IL6ST: variants seen among roughly 807,000 people sequenced by gnomAD.
IL6ST encodes interleukin-6 receptor subunit beta.
In IL6ST, 24 loss-of-function variants were observed where a neutral mutation model predicts 91.3. The ratio of observed to expected loss-of-function variants is 0.26; its 90% CI spans 0.19 to 0.37. The LOEUF is 0.37. Among genes scored for constraint, IL6ST ranks in the 10% least tolerant of loss-of-function variants. The probability of loss-of-function intolerance (pLI) is 1.00; values close to 1 mark genes in which losing one functional copy is unlikely to be tolerated. For synonymous variants in IL6ST, 351 were observed against 373.6 expected (o/e 0.94, Z 0.70); for missense variants, 914 against 1,078.5 (o/e 0.85, Z 2.14).
Position 55,942,689 on chromosome 5 carries a change from G to A in IL6ST, c.2000C>T (p.Ser667Leu). The A allele has an allele frequency of 6.2e-7, 1 of 1,602,868 alleles. No individual in the cohort carries two copies. Among genetic ancestry groups the A allele is most frequent in the East Asian group, 2.2e-5 (1 of 44,708 alleles). Residue 667 changes from serine to leucine, a missense_variant, in exon 16 of 17, where the codon TCA (serine) becomes TTA (leucine). Physicochemically the swap from Ser to Leu is moderately radical, Grantham distance 145. Coordinates refer to ENST00000381298, the MANE Select transcript of IL6ST (RefSeq NM_002184.4). The part of the protein sequence containing the change: ...DPSKSHIAQW[S>L]PHTPPRHNFN... Reference sequence around the variant, plus strand: ...TCTTACCCTTGGAGGAGTGTGAGGTGACCACTGGGCAATATGACTCTTTGA... The same window carrying A: ...TCTTACCCTTGGAGGAGTGTGAGGTAACCACTGGGCAATATGACTCTTTGA...
At chr5:55,985,383 G>A (rs1413005009) in intron 1 of IL6ST, among the ~76,000 whole-genome samples, 2 of 151,828 alleles carry the variant, frequency 1.3e-5, no homozygotes, top group Non-Finnish European at 2.9e-5. Flanking sequence ...CGGGTGTGGT[G>A]GTGCACATCT....
At chr5:55,971,897 A>G (rs891948609) in intron 3 of IL6ST, among the ~76,000 whole-genome samples, 9 of 152,172 alleles carry the variant, frequency 5.9e-5, no homozygotes, top group Non-Finnish European at 4.4e-5. Context: ...TTTGTTTCAA[A>G]CTTATAATGT....
intron 2 of IL6ST, among the ~76,000 whole-genome samples, chr5:55,980,669 C>T (rs77341723): frequency 0.038 from 5,812 of 152,236 alleles, 507 homozygotes; most frequent in East Asian, 0.37. Context: ...CTCATGTAAC[C>T]TGTACATGAA....
At chr5:55,971,822 T>A (rs554780661) in intron 3 of IL6ST, among the ~76,000 whole-genome samples, 6 of 152,118 alleles carry the variant, frequency 3.9e-5, no homozygotes, top group Non-Finnish European at 8.8e-5. Flanking sequence ...CAAAATTGTA[T>A]CCCCAAATGG....
At chr5:55,982,493 TATTAA>T (rs752174294) in intron 2 of IL6ST, among the ~76,000 whole-genome samples, 123 of 152,270 alleles carry the variant, frequency 8.1e-4, no homozygotes, top group Non-Finnish European at 1.5e-3. Context: ...ATTAACTAAT[TATTAA>T]ATTAGTTTTT....
In IL6ST at chr5:55,938,467, C is replaced by T. The variant is rs3088108; in HGVS notation, c.*2615G>A. 0.069 allele frequency: 13,486 copies of T among 195,256 alleles called. 1,902 individuals are homozygous for T. Among genetic ancestry groups the T allele is most frequent in the African/African-American group, 0.29 (12,570 of 43,240 alleles). 12.1% of individuals were successfully genotyped at this position (195,256 alleles called of 1,614,324 possible). A position where few individuals can be genotyped will look rare whatever the true frequency, so the allele number is the denominator to read the frequency against. The stretch of plus-strand genomic sequence containing the variant: ...AGTAACTGACAAGTTATAATATCAA[C>T]ACATGTAACATTTGGGTCATTATTT... On this transcript the variant is annotated 3_prime_UTR_variant, in exon 17 of 17. Transcript: ENST00000381298.
At position 55,954,806 on chromosome 5, in the gene IL6ST, A is replaced by G. The variant is rs751138582; in HGVS notation, c.1450+4T>C. 3.1e-6 allele frequency: 5 copies of G among 1,596,320 alleles called. No individual in the cohort carries two copies. In the African/African-American group the frequency reaches 4.0e-5, roughly 13 times the overall value. On this transcript the variant is annotated splice_donor_region_variant and intron_variant, in intron 11 of 16. Coordinates refer to ENST00000381298, the MANE Select transcript of IL6ST (RefSeq NM_002184.4). ...TCAATTTAGATGTTTCTAGCCAGGT[A>G]TACCTCTTAAATAGGTGCGATGCAC...
chr5:55,976,252 C>T lies in IL6ST; in HGVS notation c.27G>A (p.Val9=). 1 of 1,588,934 alleles carries T rather than the reference C, an allele frequency of 6.3e-7. No individual in the cohort carries two copies. Among genetic ancestry groups the T allele is most frequent in the Non-Finnish European group, 8.6e-7 (1 of 1,167,224 alleles). The change falls in exon 3 of 17, where the codon GTG becomes GTA. Residue 9 remains valine (V), a synonymous_variant. Transcript: ENST00000381298. ...TGGTGAGGAAAATAAACAAGGCTTG[C>T]ACTAGCCAAGTCTGCAACGTCAACA... MLTLQTWL[V]QALFIFLTTE...
At chr5:55,955,701 A>G (rs370663082) in intron 10 of IL6ST, among the ~76,000 whole-genome samples, 35 of 152,286 alleles carry the variant, frequency 2.3e-4, no homozygotes, top group African/African-American at 8.4e-4. Context: ...TCCTGATGAA[A>G]TTTGTCTGCT....
In IL6ST at chr5:55,941,376, C is replaced by G. The variant is rs776417325; in HGVS notation, c.2463G>C (p.Gln821His). ...RQQYFKQNCS[Q>H]HESSPDISHF... ...GTGAAATATCTGGACTGGATTCATG[C>G]TGACTGCAGTTCTGTTTGAAGTACT... Residue 821 changes from glutamine (Q) to histidine (H), a missense_variant, in exon 17 of 17, where the codon CAG becomes CAC. By Grantham distance (24) the Gln-to-His change is conservative. Coordinates refer to ENST00000381298, the MANE Select transcript of IL6ST (RefSeq NM_002184.4). 9.3e-6 allele frequency: 15 copies of G among 1,613,904 alleles called. No homozygotes were observed. Among genetic ancestry groups the G allele is most frequent in the Admixed American group, 1.7e-5 (1 of 60,012 alleles).
At chr5:55,961,475 C>CG (rs1752313688) in intron 7 of IL6ST, among the ~76,000 whole-genome samples, 1 of 151,872 alleles carries the variant, frequency 6.6e-6, no homozygotes, top group Non-Finnish European at 1.5e-5. Flanking sequence ...GAAAGACAGC[C>CG]GGCTGGGTGC....
intron 11 of IL6ST, among the ~76,000 whole-genome samples, chr5:55,953,651 G>A (rs1751778758): frequency 6.6e-6 from 1 of 152,232 alleles, no homozygotes; most frequent in Non-Finnish European, 1.5e-5. Context: ...CTCCCAAAGT[G>A]CTGGAATTAC....
intron 13 of IL6ST, 51 bp from the exon 14 acceptor site, chr5:55,951,655 AT>A: frequency 6.4e-7 from 1 of 1,553,868 alleles, no homozygotes; most frequent in Non-Finnish European, 8.7e-7. Context: ...GCTTTTGCTT[AT>A]TTGGCCTATA....
rs1490079148 is a variant in IL6ST, at chr5:55,955,049, A to AT, written c.1268-58dup. 10 of 1,224,278 alleles carry AT rather than the reference A, an allele frequency of 8.2e-6. No homozygotes were observed. The Admixed American group carries it at 2.1e-4, about 26-fold the overall frequency. 75.8% of individuals were successfully genotyped at this position (1,224,278 alleles called of 1,614,324 possible). A position where few individuals can be genotyped will look rare whatever the true frequency, so the allele number is the denominator to read the frequency against. ...AAATATTAACAAATTTGAAATTTCCATATTTTACAGTCATTTCCAAAACAT... is the reference window on the plus strand; with the variant it reads ...AAATATTAACAAATTTGAAATTTCCATTATTTTACAGTCATTTCCAAAACAT... On this transcript the variant is annotated intron_variant, in intron 10 of 16. Coordinates refer to ENST00000381298, the MANE Select transcript of IL6ST (RefSeq NM_002184.4).
intron 14 of IL6ST, among the ~76,000 whole-genome samples, chr5:55,951,175 G>A (rs145765995): frequency 2.3e-4 from 35 of 151,922 alleles, no homozygotes; most frequent in African/African-American, 8.4e-4. Flanking sequence ...TGAGGATAGA[G>A]AAGGAAAGAA....
intron 1 of IL6ST, among the ~76,000 whole-genome samples, chr5:55,988,973 A>C (rs532909322): frequency 4.6e-5 from 7 of 151,442 alleles, no homozygotes; most frequent in African/African-American, 1.7e-4. Flanking sequence ...AATAAAAAAA[A>C]AAATCAGCCG....
chr5:55,974,615 G>T (rs1029460838), intron 3 of IL6ST, among the ~76,000 whole-genome samples: 2 of 152,138 alleles, frequency 1.3e-5, no homozygotes, highest in Non-Finnish European at 2.9e-5. Flanking sequence ...CTCCTGAGTA[G>T]TGGGGATTAC....
At chr5:55,964,409 T>G (rs772540109) in intron 5 of IL6ST, 97 bp from the exon 6 acceptor site, 1 of 740,796 alleles carries the variant, frequency 1.3e-6, no homozygotes, top group Non-Finnish European at 2.2e-6. Context: ...AGACCTAGAT[T>G]GTTGTAGCAA....
chr5:55,971,696 C>A (rs1752975725), intron 3 of IL6ST, among the ~76,000 whole-genome samples: 1 of 152,142 alleles, frequency 6.6e-6, no homozygotes, highest in Admixed American at 6.6e-5. Flanking sequence ...GTGGCACACG[C>A]CTGTAGTCCC....
Sources: allele counts gnomAD v4.1 joint callset (sites outside exome capture counted in the v4.1 genomes callset), GRCh38; gene constraint gnomAD v4.1.1; transcripts MANE v1.5; gene names NCBI Gene and HGNC (gene_info 2026-07-23, HGNC 2026-07-21).